Variants in GPR39 observed in about 807,000 individuals in gnomAD.
GPR39 encodes the protein G protein-coupled receptor 39.
Under a neutral mutation model 18.4 loss-of-function variants are expected in GPR39, and 23 were observed. That is an observed-to-expected ratio of 1.25 (90% CI 0.90 to 1.77). GPR39 has a LOEUF of 1.77. Among genes scored for constraint, GPR39 ranks in the 40% most tolerant of loss-of-function variants. The pLI is 0.00. For missense variants in GPR39, 647 were observed against 602.4 expected, an observed-to-expected ratio of 1.07 and a Z score of -0.78; for synonymous variants, 280 against 257.9, an observed-to-expected ratio of 1.09 and a Z score of -0.82.
At chr2:132,605,477 C>T (rs1362470181) in intron 1 of GPR39, among the ~76,000 whole-genome samples, 1 of 152,148 alleles carries the variant, frequency 6.6e-6, no homozygotes, top group East Asian at 1.9e-4. Flanking sequence ...AGAAGCATCC[C>T]TGCTCTCCAG....
intron 1 of GPR39, among the ~76,000 whole-genome samples, chr2:132,483,998 G>T (rs1681284160): frequency 6.6e-6 from 1 of 152,198 alleles, no homozygotes; most frequent in Non-Finnish European, 1.5e-5. Context: ...TGATGGGAAT[G>T]TCTCCACTCC....
rs569491537 is a variant in GPR39 at position 132,465,255 on chromosome 2, GGATA to G, written c.856+47361_856+47364del. Among the ~76,000 whole-genome samples the G allele has an allele frequency of 4.5e-3, 684 of 152,184 alleles. 13 individuals carry two copies. In the South Asian group the frequency reaches 0.05, roughly 11 times the overall value. ...GGCAGTCGCCTGGACAAATCTGTAA[GGATA>G]GATTACCAGGATTGTCTCTACAGAG... is the stretch of plus-strand genomic sequence containing the variant. On this transcript the variant is annotated intron_variant, in intron 1 of 1. Transcript: ENST00000329321.
chr2:132,600,833 T>C (rs1476800603), intron 1 of GPR39, among the ~76,000 whole-genome samples: 2 of 152,220 alleles, frequency 1.3e-5, no homozygotes, highest in Admixed American at 1.3e-4. Context: ...CAAGTGGTTT[T>C]TGTTTACATT....
Position 132,558,590 on chromosome 2 carries a change from G to T in GPR39, c.857-86511G>T, listed in dbSNP as rs187415229. 1.3e-3 allele frequency among the ~76,000 whole-genome samples: 194 copies of T among 152,270 alleles called. 3 individuals are homozygous for T. The highest frequency in any genetic ancestry group is 2.0e-3 in the Non-Finnish European group (135 of 68,014). On this transcript the variant is annotated intron_variant, in intron 1 of 1. Transcript: ENST00000329321. ...AGCATTTTAAGTGGTAGCATTTCTG[G>T]AAATATTGAGATGAGGTCGGGGGAA... is the stretch of plus-strand genomic sequence containing the variant.
intron 1 of GPR39, among the ~76,000 whole-genome samples, chr2:132,534,048 A>G (rs554757698): frequency 2.6e-4 from 39 of 152,368 alleles, no homozygotes; most frequent in African/African-American, 9.4e-4. Flanking sequence ...CATCAGTGTG[A>G]ACAGACAACC....
In GPR39 at chr2:132,584,601, C is replaced by T. The variant is rs562972330; in HGVS notation, c.857-60500C>T. On this transcript the variant is annotated intron_variant, in intron 1 of 1. Transcript: ENST00000329321. ...GGTTCTGTCTGAAAGGGAGGGCTGGCCAAGTCTCCAGTTCTTTCAGGGGAA... is the reference window on the plus strand; with the variant it reads ...GGTTCTGTCTGAAAGGGAGGGCTGGTCAAGTCTCCAGTTCTTTCAGGGGAA... Among the ~76,000 whole-genome samples, 101 of 151,484 alleles carry T rather than the reference C, an allele frequency of 6.7e-4. No individual in the cohort carries two copies. The Middle Eastern group carries it at 0.01, about 15-fold the overall frequency.
intron 1 of GPR39, among the ~76,000 whole-genome samples, chr2:132,637,929 G>A (rs1307796358): frequency 1.3e-5 from 2 of 152,206 alleles, no homozygotes; most frequent in Non-Finnish European, 2.9e-5. Context: ...GGAAGGGAGA[G>A]GTGTGGGCTG....
At chr2:132,459,328 A>C (rs1196044201) in intron 1 of GPR39, among the ~76,000 whole-genome samples, 1 of 152,204 alleles carries the variant, frequency 6.6e-6, no homozygotes, top group African/African-American at 2.4e-5. Context: ...CTCTTTCTTC[A>C]TTAATAGAAA....
At chr2:132,501,712 C>CTTAGATATTACTTAGATGGACT (rs1679040825) in intron 1 of GPR39, among the ~76,000 whole-genome samples, 1 of 152,126 alleles carries the variant, frequency 6.6e-6, no homozygotes, top group South Asian at 2.1e-4. Context: ...CTATCTATCT[C>CTTAGATATTACTTAGATGGACT]ATTTCTTAGG....
chr2:132,565,750 A>G (rs1680340082), intron 1 of GPR39, among the ~76,000 whole-genome samples: 2 of 144,820 alleles, frequency 1.4e-5, no homozygotes, highest in African/African-American at 5.1e-5. Flanking sequence ...TTATGGCTGC[A>G]TAGTATTCCA....
At chr2:132,571,182 T>C (rs767581642) in intron 1 of GPR39, among the ~76,000 whole-genome samples, 1 of 152,232 alleles carries the variant, frequency 6.6e-6, no homozygotes, top group Non-Finnish European at 1.5e-5. Flanking sequence ...AAAGACTGTC[T>C]TCTTAATGTC....
chr2:132,639,956 C>T (rs1027288951), intron 1 of GPR39, among the ~76,000 whole-genome samples: 4 of 111,532 alleles, frequency 3.6e-5, no homozygotes, highest in South Asian at 2.6e-4. Flanking sequence ...GCTTGGCAAT[C>T]GAGGGTAGAA....
chr2:132,518,163 C>A (rs2104764437), intron 1 of GPR39, among the ~76,000 whole-genome samples: 2 of 152,218 alleles, frequency 1.3e-5, no homozygotes, highest in Admixed American at 1.3e-4. Flanking sequence ...ATGATACCAT[C>A]CATTATAATG....
intron 1 of GPR39, among the ~76,000 whole-genome samples, chr2:132,430,760 G>C (rs895311375): frequency 6.6e-6 from 1 of 152,194 alleles, no homozygotes; most frequent in Admixed American, 6.5e-5. Flanking sequence ...GTCCCCAAAG[G>C]AGACCCATGT....
intron 1 of GPR39, among the ~76,000 whole-genome samples, chr2:132,569,368 G>C (rs1354287752): frequency 6.6e-6 from 1 of 152,090 alleles, no homozygotes; most frequent in Non-Finnish European, 1.5e-5. Context: ...GACTGGCTGA[G>C]CTCTATATTC....
chr2:132,483,648 G>A (rs9677228), intron 1 of GPR39, among the ~76,000 whole-genome samples: 3,446 of 152,262 alleles, frequency 0.023, 132 homozygotes, highest in African/African-American at 0.079. Context: ...TGCTGGAGTT[G>A]TTTTAGTCCA....
intron 1 of GPR39, among the ~76,000 whole-genome samples, chr2:132,432,365 CACTTCCCA>C (rs1680239665): frequency 6.6e-6 from 1 of 152,192 alleles, no homozygotes; most frequent in South Asian, 2.1e-4. Context: ...ATGATGCAAT[CACTTCCCA>C]AAGGCCACAC....
At chr2:132,585,079 C>T (rs1478682044) in intron 1 of GPR39, among the ~76,000 whole-genome samples, 1 of 152,186 alleles carries the variant, frequency 6.6e-6, no homozygotes, top group Non-Finnish European at 1.5e-5. Flanking sequence ...GGTTGACATT[C>T]TTTACGTGGG....
chr2:132,503,535 G>T (rs1679083360), intron 1 of GPR39, among the ~76,000 whole-genome samples: 1 of 152,220 alleles, frequency 6.6e-6, no homozygotes, highest in East Asian at 1.9e-4. Flanking sequence ...CACTGGTTTT[G>T]TGTTGGTTGG....
Sources: gnomAD v4.1 joint callset for allele counts (sites outside exome capture counted in the v4.1 genomes callset) on GRCh38, gnomAD v4.1.1 for gene constraint, MANE v1.5 for transcripts, NCBI Gene and HGNC (gene_info 2026-07-23, HGNC 2026-07-21) for gene names.